The following TNS3 variants were observed in gnomAD, a reference collection of about 807,000 sequenced individuals.
The protein encoded by TNS3 is tensin 3.
Under a neutral mutation model 140.9 loss-of-function variants are expected in TNS3, and 45 were observed. That is an observed-to-expected ratio of 0.32 (90% CI 0.25 to 0.41). The LOEUF (loss-of-function observed/expected upper bound fraction) is 0.41, where lower values mean the gene tolerates loss of function less well. Ranked by LOEUF, TNS3 falls within the 10% of genes least tolerant of loss-of-function variation. TNS3 has a pLI of 1.00. For missense variants in TNS3, 1,716 were observed against 1,906.7 expected, an observed-to-expected ratio of 0.90 and a Z score of 1.86; for synonymous variants, 815 against 788.4, an observed-to-expected ratio of 1.03 and a Z score of -0.56.
At chr7:47,379,028 A>G (rs755021647) in intron 16 of TNS3, among the ~76,000 whole-genome samples, 2 of 152,206 alleles carry the variant, frequency 1.3e-5, no homozygotes, top group Non-Finnish European at 2.9e-5. Context: ...CGGCGCATGG[A>G]AGAGTCCATC....
chr7:47,527,047 A>G (rs1799218662), intron 2 of TNS3, among the ~76,000 whole-genome samples: 1 of 149,440 alleles, frequency 6.7e-6, no homozygotes, highest in African/African-American at 2.5e-5. Context: ...CCTGGCTAAC[A>G]TGGTGAAACC....
chr7:47,483,492 T>G (rs1797502620), intron 3 of TNS3, among the ~76,000 whole-genome samples: 1 of 152,192 alleles, frequency 6.6e-6, no homozygotes, highest in Non-Finnish European at 1.5e-5. Flanking sequence ...TTTGTATAAA[T>G]CTAAAACTCT....
intron 4 of TNS3, among the ~76,000 whole-genome samples, chr7:47,451,108 T>A (rs1208762550): frequency 1.3e-5 from 2 of 152,084 alleles, no homozygotes; most frequent in Non-Finnish European, 2.9e-5. Flanking sequence ...CACTCCAGCC[T>A]GAGACGCTGT....
intron 4 of TNS3, among the ~76,000 whole-genome samples, chr7:47,448,860 T>C (rs578239097): frequency 6.6e-6 from 1 of 152,160 alleles, no homozygotes; most frequent in East Asian, 1.9e-4. Flanking sequence ...AGTATAGTAA[T>C]GAAATCTGAA....
At chr7:47,489,834 C>T (rs1379341612) in intron 3 of TNS3, among the ~76,000 whole-genome samples, 2 of 152,328 alleles carry the variant, frequency 1.3e-5, no homozygotes, top group Non-Finnish European at 2.9e-5. Context: ...GGGGCCCAAA[C>T]GCCTTCCTGC....
intron 1 of TNS3, among the ~76,000 whole-genome samples, chr7:47,569,872 G>C (rs2152014579): frequency 6.6e-6 from 1 of 151,208 alleles, no homozygotes. Flanking sequence ...GAATAGGTCG[G>C]GCGTGGTGGC....
chr7:47,477,405 G>A (rs371202780), intron 4 of TNS3, among the ~76,000 whole-genome samples: 1 of 152,176 alleles, frequency 6.6e-6, no homozygotes, highest in East Asian at 1.9e-4. Flanking sequence ...AACTCCAGGT[G>A]TGGGAGGGGC....
chr7:47,319,496 C>CG (rs1787604505), intron 20 of TNS3, among the ~76,000 whole-genome samples: 1 of 152,152 alleles, frequency 6.6e-6, no homozygotes, highest in Non-Finnish European at 1.5e-5. Flanking sequence ...TGAGAACTCA[C>CG]TCGTTACCAT....
At chr7:47,288,244 C>A (rs553346461) in intron 27 of TNS3, among the ~76,000 whole-genome samples, 5 of 152,116 alleles carry the variant, frequency 3.3e-5, no homozygotes, top group African/African-American at 7.2e-5. Flanking sequence ...GCCAGAGCTG[C>A]CAACTTGGGT....
At chr7:47,334,253 A>G (rs1031785497) in intron 20 of TNS3, among the ~76,000 whole-genome samples, 4 of 152,178 alleles carry the variant, frequency 2.6e-5, no homozygotes, top group African/African-American at 7.2e-5. Flanking sequence ...AAGAGGCTGC[A>G]TGCTTGGAAG....
intron 20 of TNS3, among the ~76,000 whole-genome samples, chr7:47,312,182 A>G (rs1274001321): frequency 2.6e-5 from 4 of 152,228 alleles, no homozygotes; most frequent in Admixed American, 2.0e-4. Flanking sequence ...GTAAATCCAT[A>G]GAGCAGATGC....
At chr7:47,288,376 G>A (rs964271950) in intron 27 of TNS3, among the ~76,000 whole-genome samples, 4 of 152,292 alleles carry the variant, frequency 2.6e-5, no homozygotes, top group East Asian at 3.9e-4. Context: ...GTTCTTCTGC[G>A]CTTTCTTGAA....
intron 4 of TNS3, among the ~76,000 whole-genome samples, chr7:47,449,163 G>C (rs1230499828): frequency 6.6e-6 from 1 of 152,250 alleles, no homozygotes; most frequent in Non-Finnish European, 1.5e-5. Flanking sequence ...TCAGCACTGT[G>C]CGCCTGGCAC....
intron 2 of TNS3, among the ~76,000 whole-genome samples, chr7:47,521,030 A>G (rs1399805110): frequency 6.6e-6 from 1 of 152,210 alleles, no homozygotes; most frequent in Admixed American, 6.5e-5. Flanking sequence ...TTCCCTGTGC[A>G]CCTACTGGGC....
chr7:47,460,118 C>T (rs1796421375), intron 4 of TNS3, among the ~76,000 whole-genome samples: 1 of 149,318 alleles, frequency 6.7e-6, no homozygotes, highest in Admixed American at 6.8e-5. Flanking sequence ...GAGGCTGAGG[C>T]AGGAGAATGG....
Position 47,369,292 on chromosome 7 carries a change from T to G in TNS3, c.1354A>C (p.Ser452Arg), listed in dbSNP as rs771267490. Residue 452 changes from serine (S) to arginine (R), a missense_variant, in exon 17 of 31, where the codon AGT becomes CGT. Physicochemically the swap from Ser to Arg is moderately radical, Grantham distance 110 (BLOSUM62 -1). Transcript: ENST00000311160. ...KEMTDARSKY[S>R]GTRHVVPAQV... ...GCTGGCACCACGTGGCGGGTCCCAC[T>G]GTACTTGCTTCGAGCATCAGTCATT... 6 of 1,614,082 alleles carry G rather than the reference T, an allele frequency of 3.7e-6. No homozygotes were observed. The highest frequency in any genetic ancestry group is 2.5e-6 in the Non-Finnish European group (3 of 1,180,054).
At chr7:47,342,723 G>C (rs1280290246) in intron 20 of TNS3, among the ~76,000 whole-genome samples, 1 of 152,218 alleles carries the variant, frequency 6.6e-6, no homozygotes. Context: ...TAAAATGGGG[G>C]TAACAGTAAG....
intron 24 of TNS3, among the ~76,000 whole-genome samples, chr7:47,295,814 A>G (rs1785984451): frequency 6.6e-6 from 1 of 152,172 alleles, no homozygotes; most frequent in Non-Finnish European, 1.5e-5. Context: ...CAAATCATAC[A>G]TTCCACAGGG....
intron 27 of TNS3, 107 bp downstream of exon 27, chr7:47,291,848 A>T: frequency 8.0e-7 from 1 of 1,247,102 alleles, no homozygotes; most frequent in South Asian, 1.4e-5. Context: ...TTCAAGGCTC[A>T]CAGAAAAGAA....
Sources: allele counts gnomAD v4.1 joint callset (sites outside exome capture counted in the v4.1 genomes callset), GRCh38; gene constraint gnomAD v4.1.1; transcripts MANE v1.5; gene names NCBI Gene and HGNC (gene_info 2026-07-23, HGNC 2026-07-21).